NBPF20: variants seen among roughly 807,000 people sequenced by gnomAD.
The protein encoded by NBPF20 is NBPF family member NBPF20.
In NBPF20, 90 loss-of-function variants were observed where a neutral mutation model predicts 68.1. That is an observed-to-expected ratio of 1.32 (90% confidence interval 1.11 to 1.58). NBPF20 has a LOEUF of 1.58. NBPF20 is among the 40% of genes most tolerant of loss of function. The pLI, the probability that NBPF20 is intolerant of heterozygous loss-of-function variation, is 0.00. For synonymous variants in NBPF20, 290 were observed against 228.1 expected (o/e 1.27, Z -2.45); for missense variants, 816 against 601.2 (o/e 1.36, Z -3.74).
chr1:145,394,435 G>T (rs1311959503), intron 8 of NBPF20, among the ~76,000 whole-genome samples: 29 of 152,148 alleles, frequency 1.9e-4, no homozygotes, highest in African/African-American at 6.3e-4. Context: ...CATTTATCTA[G>T]AAAACATACC....
At chr1:145,425,310 G>A in the NBPF20 span, among the ~76,000 whole-genome samples, 1 of 151,468 alleles carries the variant, frequency 6.6e-6, no homozygotes, top group Non-Finnish European at 1.5e-5. Context: ...GTACCCGCGG[G>A]TCCCGGACTC....
intron 73 of NBPF20, among the ~76,000 whole-genome samples, chr1:145,342,842 G>A (rs1420274947): frequency 1.1e-5 from 1 of 89,630 alleles, no homozygotes; most frequent in African/African-American, 4.9e-5. Context: ...AATTGTCCAG[G>A]TGACACACTG....
chr1:145,377,628 C>T (rs1232894561), intron 29 of NBPF20, among the ~76,000 whole-genome samples, 190 bp from the exon 35 acceptor site: 2 of 141,870 alleles, frequency 1.4e-5, no homozygotes, highest in South Asian at 2.5e-4. Context: ...AAGAGAAAGA[C>T]AGGGAGAGGG....
chr1:145,417,747 A>G, the NBPF20 span, among the ~76,000 whole-genome samples: 13 of 148,010 alleles, frequency 8.8e-5, no homozygotes, highest in Non-Finnish European at 1.9e-4. Flanking sequence ...CATTAAAACA[A>G]CGAGATATCA....
chr1:145,295,033 C>A (rs1661263685), intron 133 of NBPF20, 79 bp from the exon 139 acceptor site: 3 of 274,680 alleles, frequency 1.1e-5, no homozygotes, highest in Admixed American at 6.9e-5. Flanking sequence ...TCATGGCTAA[C>A]ATAAGGAACT....
chr1:145,404,501 C>A (rs1475914541), intron 2 of NBPF20, among the ~76,000 whole-genome samples: 1 of 152,122 alleles, frequency 6.6e-6, no homozygotes, highest in Non-Finnish European at 1.5e-5. Flanking sequence ...TCGTGCTCTG[C>A]CCGCCTCAGC....
intron 7 of NBPF20, among the ~76,000 whole-genome samples, chr1:145,396,769 T>C (rs1282861569): frequency 1.3e-5 from 2 of 149,998 alleles, no homozygotes; most frequent in Non-Finnish European, 3.0e-5. Context: ...TATATATATA[T>C]ATACAGATAT....
Position 145,393,889 on chromosome 1 carries a change from A to T in NBPF20, c.1038T>A (p.Gly346=). The stretch of plus-strand genomic sequence containing the variant: ...CCACAATTTCTCAGACTCACCTGGG[A>T]CCTGTTGCCTCTTGGTCCTCCTTTT... Residue 346 remains glycine (G), a synonymous_variant, in exon 9 of 138, where the codon GGT becomes GGA. Coordinates refer to ENST00000369373, the Ensembl canonical transcript of NBPF20. 3.9e-6 allele frequency: 6 copies of T among 1,543,576 alleles called. No individual in the cohort carries two copies. The East Asian group carries it at 9.0e-5, about 23-fold the overall frequency.
rs1427711108 is a variant in NBPF20 at position 145,394,219 on chromosome 1, T to A, written c.992-284A>T. On this transcript the variant is annotated intron_variant, in intron 8 of 137. Transcript: ENST00000369373. The stretch of plus-strand genomic sequence containing the variant: ...ATGAGAAATTTTTTCCCCAATAAAT[T>A]GTAGGCAAATAGTTCTAACACCTCA... Among the ~76,000 whole-genome samples the A allele has an allele frequency of 2.0e-5, 3 of 152,042 alleles. No individual in the cohort carries two copies. The East Asian group carries it at 5.8e-4, about 29-fold the overall frequency.
At chr1:145,401,474 GT>G (rs1662520570) in intron 4 of NBPF20, among the ~76,000 whole-genome samples, 3 of 134,764 alleles carry the variant, frequency 2.2e-5, no homozygotes, top group Non-Finnish European at 4.9e-5. Context: ...TCCTGTCACG[GT>G]TTGCATTTCA....
chr1:145,393,544 C>A (rs1467532557), intron 9 of NBPF20, among the ~76,000 whole-genome samples: 1 of 151,902 alleles, frequency 6.6e-6, no homozygotes, highest in Admixed American at 6.6e-5. Flanking sequence ...AGTCAAAGGA[C>A]ACTCTGTATT....
At chr1:145,393,681 C>G in intron 9 of NBPF20, 2 of 1,402,098 alleles carry the variant, frequency 1.4e-6, no homozygotes, top group Non-Finnish European at 1.9e-6. Context: ...GGTCAACTTT[C>G]ACTAGGTTAG....
the NBPF20 span, among the ~76,000 whole-genome samples, chr1:145,421,810 G>A: frequency 1.3e-5 from 2 of 152,264 alleles, no homozygotes; most frequent in East Asian, 3.9e-4. Context: ...AGATGCCAAG[G>A]TGGGAGGATC....
At chr1:145,417,792 G>T in the NBPF20 span, among the ~76,000 whole-genome samples, 1 of 141,814 alleles carries the variant, frequency 7.1e-6, no homozygotes, top group Non-Finnish European at 1.5e-5. Context: ...AACACAAAAC[G>T]GTGAACACAC....
exon 138 of NBPF20, chr1:145,291,674 G>A (rs782154588): frequency 6.2e-7 from 1 of 1,611,890 alleles, no homozygotes. Context: ...GAATGAGTCA[G>A]GTAGTTCAAA....
intron 136 of NBPF20, 86 bp from the exon 142 acceptor site, chr1:145,292,575 C>G: frequency 2.7e-6 from 2 of 740,902 alleles, no homozygotes; most frequent in South Asian, 1.4e-5. Context: ...CACACAGGGA[C>G]CTCAGGCTCC....
At position 145,405,190 on chromosome 1, in the gene NBPF20, A is replaced by T; in HGVS notation, c.83T>A (p.Leu28Ter). The change falls in exon 2 of 138, where the codon TTG (leucine) becomes TAG (stop). Residue 28 changes from leucine to a stop codon, truncating the protein, a stop_gained. Coordinates refer to ENST00000369373, the Ensembl canonical transcript of NBPF20. LOFTEE classifies it high-confidence loss of function. Reference sequence around the variant, plus strand: ...TCCGAACTGCTGTTTGTTCTCTGCCAACTGGGGGCGCAATTTCTCGTTGAT... The same window carrying T: ...TCCGAACTGCTGTTTGTTCTCTGCCTACTGGGGGCGCAATTTCTCGTTGAT... 1 of 1,613,010 alleles carries T rather than the reference A, an allele frequency of 6.2e-7. No individual in the cohort carries two copies. Among genetic ancestry groups the T allele is most frequent in the South Asian group, 1.1e-5 (1 of 91,014 alleles).
At chr1:145,417,557 A>G in the NBPF20 span, among the ~76,000 whole-genome samples, 41 of 150,458 alleles carry the variant, frequency 2.7e-4, no homozygotes, top group Admixed American at 2.7e-4. Flanking sequence ...TATTTACAAA[A>G]TAATCTGATG....
At chr1:145,408,729 A>G (rs1270548092), upstream of NBPF20, among the ~76,000 whole-genome samples, 3 of 152,050 alleles carry the variant, frequency 2.0e-5, no homozygotes, top group Non-Finnish European at 4.4e-5. Flanking sequence ...ATCAATAAAC[A>G]TGATATATAT....
Sources: gnomAD v4.1 joint callset for allele counts (sites outside exome capture counted in the v4.1 genomes callset) on GRCh38, gnomAD v4.1.1 for gene constraint, MANE v1.5 for transcripts, NCBI Gene and HGNC (gene_info 2026-07-23, HGNC 2026-07-21) for gene names.